RABGAP1L: variants seen among roughly 807,000 people sequenced by gnomAD.
RABGAP1L encodes the protein rab GTPase-activating protein 1-like.
A neutral mutation model predicts 137.7 loss-of-function variants in RABGAP1L; 63 were observed. That is an observed-to-expected ratio of 0.46 (90% CI 0.37 to 0.56). The LOEUF is 0.56. Among genes scored for constraint, RABGAP1L ranks in the 20% least tolerant of loss-of-function variants. The pLI, the probability that RABGAP1L is intolerant of heterozygous loss-of-function variation, is 0.00. For synonymous variants in RABGAP1L, 431 were observed against 433.7 expected, an observed-to-expected ratio of 0.99 and a Z score of 0.08; for missense variants, 1,095 against 1,244.0, an observed-to-expected ratio of 0.88 and a Z score of 1.80.
chr1:174,190,310 AAAAAAAAAAG>A (rs1260058301), intron 1 of RABGAP1L, among the ~76,000 whole-genome samples: 4 of 151,654 alleles, frequency 2.6e-5, no homozygotes, highest in African/African-American at 9.7e-5. Flanking sequence ...GCAAAAAAAA[AAAAAAAAAAG>A]AAAGAAAGAA....
At chr1:174,981,747 T>C (rs1292121732) in intron 23 of RABGAP1L, among the ~76,000 whole-genome samples, 1 of 151,986 alleles carries the variant, frequency 6.6e-6, no homozygotes, top group Non-Finnish European at 1.5e-5. Context: ...CCAATACTTA[T>C]TTATCTAGAT....
At chr1:174,675,521 G>T (rs61826955) in intron 14 of RABGAP1L, among the ~76,000 whole-genome samples, 6 of 151,428 alleles carry the variant, frequency 4.0e-5, no homozygotes, top group South Asian at 2.1e-4. Flanking sequence ...GTCAGGTAGC[G>T]TGATGCCTCC....
chr1:174,479,802 T>G (rs533014554), intron 13 of RABGAP1L, among the ~76,000 whole-genome samples: 60 of 152,276 alleles, frequency 3.9e-4, no homozygotes, highest in African/African-American at 1.4e-3. Context: ...GGATAATTGG[T>G]TAGAAATAGT....
At chr1:174,487,173 T>C (rs748471401) in intron 13 of RABGAP1L, among the ~76,000 whole-genome samples, 1 of 152,176 alleles carries the variant, frequency 6.6e-6, no homozygotes, top group Admixed American at 6.5e-5. Flanking sequence ...TGATGTTTCC[T>C]TGTTGATTTT....
intron 19 of RABGAP1L, among the ~76,000 whole-genome samples, chr1:174,931,791 A>C (rs752053672): frequency 2.6e-4 from 40 of 152,064 alleles, no homozygotes; most frequent in Non-Finnish European, 5.1e-4. Flanking sequence ...AAAAAATTAA[A>C]TATATTGCCT....
chr1:174,700,998 C>G, intron 16 of RABGAP1L: 2 of 1,200,910 alleles, frequency 1.7e-6, no homozygotes, highest in Non-Finnish European at 2.2e-6. Flanking sequence ...AGCATTTGGA[C>G]GTTCCATTTG....
chr1:174,736,141 C>T (rs924299995), intron 17 of RABGAP1L, among the ~76,000 whole-genome samples: 6 of 152,184 alleles, frequency 3.9e-5, no homozygotes, highest in African/African-American at 1.4e-4. Context: ...AGTCCAAAGC[C>T]TCATCTGGAG....
chr1:174,541,046 C>G (rs1665367111), intron 13 of RABGAP1L, among the ~76,000 whole-genome samples: 1 of 152,082 alleles, frequency 6.6e-6, no homozygotes, highest in Admixed American at 6.5e-5. Context: ...ATTTTATTGT[C>G]TTTGTAGCAA....
chr1:174,527,289 T>C (rs1215676524), intron 13 of RABGAP1L, among the ~76,000 whole-genome samples: 1 of 151,096 alleles, frequency 6.6e-6, no homozygotes, highest in Non-Finnish European at 1.5e-5. Context: ...CTTCAACCTT[T>C]GCCTCCCTGA....
At chr1:174,207,187 T>G (rs917840780) in intron 1 of RABGAP1L, among the ~76,000 whole-genome samples, 2 of 152,196 alleles carry the variant, frequency 1.3e-5, no homozygotes, top group African/African-American at 4.8e-5. Flanking sequence ...AGATTTTATA[T>G]TCTGATTTTT....
At chr1:174,965,362 G>A (rs1044035015) in intron 20 of RABGAP1L, among the ~76,000 whole-genome samples, 1 of 152,092 alleles carries the variant, frequency 6.6e-6, no homozygotes, top group African/African-American at 2.4e-5. Flanking sequence ...AGGTTATTGG[G>A]GCTGACTTTA....
At chr1:174,406,725 G>C (rs950716429) in intron 13 of RABGAP1L, among the ~76,000 whole-genome samples, 1 of 152,128 alleles carries the variant, frequency 6.6e-6, no homozygotes, top group African/African-American at 2.4e-5. Flanking sequence ...TCGAGTCCAG[G>C]AGTTAAAGAC....
intron 13 of RABGAP1L, among the ~76,000 whole-genome samples, chr1:174,447,656 C>T (rs895362510): frequency 6.6e-6 from 1 of 152,178 alleles, no homozygotes; most frequent in Non-Finnish European, 1.5e-5. Flanking sequence ...TCCAGTTGCT[C>T]CCTAAGAAAC....
chr1:174,792,036 A>G (rs187458706), intron 18 of RABGAP1L, among the ~76,000 whole-genome samples: 42 of 152,324 alleles, frequency 2.8e-4, no homozygotes, highest in African/African-American at 9.4e-4. Context: ...TTTATGGGAT[A>G]CATTACTTGA....
chr1:174,452,984 C>A lies in RABGAP1L; in HGVS notation c.1710+58839C>A, dbSNP rs144867972. On this transcript the variant is annotated intron_variant, in intron 13 of 25. Transcript: ENST00000681986. ...ATTAGGGTTTTCTAAGATAGCATTT[C>A]TTTTTGCAAATCTATTTAAATTCAA... 2.3e-3 allele frequency among the ~76,000 whole-genome samples: 350 copies of A among 152,244 alleles called. 4 individuals are homozygous for A. The highest frequency in any genetic ancestry group is 8.2e-3 in the African/African-American group (341 of 41,550).
chr1:174,738,470 T>A (rs1444183229), intron 17 of RABGAP1L, among the ~76,000 whole-genome samples: 2 of 152,218 alleles, frequency 1.3e-5, no homozygotes, highest in East Asian at 3.8e-4. Flanking sequence ...CAGTGGTTTC[T>A]AGGGTCTGCA....
At chr1:174,471,191 A>G (rs1418565034) in intron 13 of RABGAP1L, among the ~76,000 whole-genome samples, 1 of 152,170 alleles carries the variant, frequency 6.6e-6, no homozygotes, top group African/African-American at 2.4e-5. Flanking sequence ...CATACTTATT[A>G]CTTACCCATC....
intron 13 of RABGAP1L, among the ~76,000 whole-genome samples, chr1:174,578,904 A>ATTATTTCTTTGAAATTGTT (rs1668553950): frequency 6.6e-6 from 1 of 152,124 alleles, no homozygotes; most frequent in Non-Finnish European, 1.5e-5. Context: ...CCTTAGGCTT[A>ATTATTTCTTTGAAATTGTT]TTATTTCTTT....
intron 19 of RABGAP1L, among the ~76,000 whole-genome samples, chr1:174,893,812 A>G (rs1048961373): frequency 6.6e-6 from 1 of 152,138 alleles, no homozygotes; most frequent in Non-Finnish European, 1.5e-5. Context: ...ATTAATAGCA[A>G]GTCTTCCACT....
Sources: allele counts gnomAD v4.1 joint callset (sites outside exome capture counted in the v4.1 genomes callset), GRCh38; gene constraint gnomAD v4.1.1; transcripts MANE v1.5; gene names NCBI Gene and HGNC (gene_info 2026-07-23, HGNC 2026-07-21).